GPR158: variants seen among roughly 807,000 people sequenced by gnomAD.
GPR158 encodes the protein metabotropic glycine receptor.
In GPR158, 30 loss-of-function variants were observed where a neutral mutation model predicts 78.2. The observed-to-expected ratio is 0.38, with a 90% CI of 0.29 to 0.52. The LOEUF (loss-of-function observed/expected upper bound fraction) is 0.52, where lower values mean the gene tolerates loss of function less well. Among genes scored for constraint, GPR158 ranks in the 20% least tolerant of loss-of-function variants. The pLI is 0.83. For synonymous variants in GPR158, 581 were observed against 591.1 expected (o/e 0.98, Z 0.25); for missense variants, 1,463 against 1,523.5 (o/e 0.96, Z 0.66).
At chr10:25,531,627 T>C (rs921589348) in intron 5 of GPR158, among the ~76,000 whole-genome samples, 1 of 61,762 alleles carries the variant, frequency 1.6e-5, no homozygotes, top group African/African-American at 3.7e-5. Context: ...TAGGATTTGG[T>C]ATTATTTATG....
intron 2 of GPR158, among the ~76,000 whole-genome samples, chr10:25,269,729 T>C (rs1854091329): frequency 1.3e-5 from 2 of 152,300 alleles, no homozygotes; most frequent in East Asian, 1.9e-4. Flanking sequence ...GTTTTCCCCA[T>C]TTCATGAATG....
chr10:25,486,241 T>C (rs1835733486), intron 5 of GPR158, among the ~76,000 whole-genome samples: 1 of 152,180 alleles, frequency 6.6e-6, no homozygotes, highest in African/African-American at 2.4e-5. Context: ...CTTTCAACTT[T>C]GACCTTCTTC....
intron 2 of GPR158, among the ~76,000 whole-genome samples, chr10:25,248,841 A>T (rs1020877102): frequency 6.6e-6 from 1 of 151,488 alleles, no homozygotes; most frequent in Non-Finnish European, 1.5e-5. Context: ...GTTTTTTCCA[A>T]TTCTGTGAAG....
At chr10:25,588,916 C>A in intron 7 of GPR158, 91 bp from the exon 8 acceptor site, 2 of 817,970 alleles carry the variant, frequency 2.4e-6, no homozygotes, top group Non-Finnish European at 1.8e-6. Flanking sequence ...TTATAAAAAA[C>A]TTATGTTGAA....
chr10:25,216,617 C>T (rs1311382154), intron 1 of GPR158, among the ~76,000 whole-genome samples: 3 of 152,026 alleles, frequency 2.0e-5, no homozygotes, highest in Non-Finnish European at 4.4e-5. Flanking sequence ...GTGGGGAAAA[C>T]ATATCATTGA....
intron 5 of GPR158, among the ~76,000 whole-genome samples, chr10:25,484,383 G>A (rs545135792): frequency 1.3e-5 from 2 of 152,284 alleles, no homozygotes; most frequent in African/African-American, 4.8e-5. Flanking sequence ...CTCAAAAATT[G>A]TAACATTAAA....
chr10:25,431,346 AAGTC>A (rs1451907598), intron 4 of GPR158, among the ~76,000 whole-genome samples: 1 of 149,064 alleles, frequency 6.7e-6, no homozygotes, highest in Non-Finnish European at 1.5e-5. Context: ...AGTCATTAAA[AAGTC>A]AGGAAACAGC....
In GPR158 at chr10:25,241,367, CTTTTCTCTCTTCTCT is replaced by C. The variant is rs1853622607; in HGVS notation, c.1008+20212_1008+20226del. ...TCTTTTCTCTTTTCTTTTCTCTTTT[CTTTTCTCTCTTCTCT>C]TCTCTTCTCTTCTCTTCTCTTCTCT... On this transcript the variant is annotated intron_variant, in intron 2 of 10. Coordinates refer to ENST00000376351, the MANE Select transcript of GPR158 (RefSeq NM_020752.3). 1.4e-4 allele frequency among the ~76,000 whole-genome samples: 14 copies of C among 101,482 alleles called. 2 individuals are homozygous for C. In the South Asian group the frequency reaches 4.3e-3, roughly 31 times the overall value. 66.6% of individuals were successfully genotyped at this position (101,482 alleles called of 152,430 possible).
chr10:25,554,113 A>G (rs927580794), intron 6 of GPR158, among the ~76,000 whole-genome samples: 5 of 152,176 alleles, frequency 3.3e-5, no homozygotes, highest in Non-Finnish European at 7.4e-5. Flanking sequence ...GGGAAAGCTA[A>G]AGAACAAGAC....
chr10:25,433,653 G>A (rs1190751341), intron 4 of GPR158, among the ~76,000 whole-genome samples: 1 of 142,040 alleles, frequency 7.0e-6, no homozygotes, highest in African/African-American at 2.6e-5. Context: ...GAGAAAATTA[G>A]TTTATCTGAA....
chr10:25,419,737 C>T (rs1224928004), intron 4 of GPR158, among the ~76,000 whole-genome samples: 1 of 151,986 alleles, frequency 6.6e-6, no homozygotes, highest in African/African-American at 2.4e-5. Context: ...GTGGGTTTGA[C>T]TTCCATTTTC....
At chr10:25,376,433 C>T (rs1247111568) in intron 2 of GPR158, among the ~76,000 whole-genome samples, 3 of 151,424 alleles carry the variant, frequency 2.0e-5, no homozygotes, top group Admixed American at 1.3e-4. Context: ...AATTATCTTT[C>T]CTCTTTGATT....
rs1477757394 is a variant in GPR158, at chr10:25,516,920, A to G, written c.1405-34056A>G. ...CAATTCTGTGAAGAAAGTCATTGGTAGCTTGATGGGGATGGCATTGAATCT... is the reference window on the plus strand; with the variant it reads ...CAATTCTGTGAAGAAAGTCATTGGTGGCTTGATGGGGATGGCATTGAATCT... On this transcript the variant is annotated intron_variant, in intron 5 of 10. Coordinates refer to ENST00000376351, the MANE Select transcript of GPR158 (RefSeq NM_020752.3). 6.3e-4 allele frequency among the ~76,000 whole-genome samples: 92 copies of G among 145,026 alleles called. 1 individual carries two copies. Among genetic ancestry groups the G allele is most frequent in the Non-Finnish European group, 1.0e-3 (67 of 66,518 alleles).
At chr10:25,588,477 G>A (rs1418776284) in intron 7 of GPR158, among the ~76,000 whole-genome samples, 1 of 152,166 alleles carries the variant, frequency 6.6e-6, no homozygotes, top group East Asian at 1.9e-4. Context: ...ACAAAACAAG[G>A]TTTTATTTAT....
At chr10:25,387,968 T>A (rs1011728761) in intron 2 of GPR158, among the ~76,000 whole-genome samples, 3 of 100,872 alleles carry the variant, frequency 3.0e-5, no homozygotes, top group Non-Finnish European at 7.3e-5. Context: ...TAGTTATATA[T>A]CTGTTCTTTT....
At chr10:25,195,984 T>C (rs1432274243) in intron 1 of GPR158, among the ~76,000 whole-genome samples, 1 of 152,208 alleles carries the variant, frequency 6.6e-6, no homozygotes, top group Admixed American at 6.5e-5. Context: ...TGGAAACTTT[T>C]AATATCTTTT....
intron 7 of GPR158, among the ~76,000 whole-genome samples, chr10:25,575,070 A>AAC (rs2130734448): frequency 6.6e-6 from 1 of 151,802 alleles, no homozygotes; most frequent in Non-Finnish European, 1.5e-5. Flanking sequence ...CCATCTCAAA[A>AAC]AAAAAAAAAA....
chr10:25,598,261 T>A lies in GPR158; in HGVS notation c.2635T>A (p.Ser879Thr), dbSNP rs752016429. 2 of 1,613,892 alleles carry A rather than the reference T, an allele frequency of 1.2e-6. No individual in the cohort carries two copies. Among genetic ancestry groups the A allele is most frequent in the East Asian group, 4.5e-5 (2 of 44,862 alleles). The part of the protein sequence containing the change: ...STESVPLVCK[S>T]ASAHNLSSEK... ...GGAGTCGGTGCCGTTGGTGTGCAAG[T>A]CAGCAAGCGCTCACAACCTCAGCTC... The change falls in exon 11 of 11, where the codon TCA becomes ACA. Residue 879 changes from serine (S) to threonine (T), a missense_variant. Transcript: ENST00000376351.
intron 5 of GPR158, among the ~76,000 whole-genome samples, chr10:25,487,893 AAACT>A (rs1233680580): frequency 6.6e-6 from 1 of 152,178 alleles, no homozygotes; most frequent in East Asian, 1.9e-4. Flanking sequence ...TAAATTAAAT[AAACT>A]AACCAATTAA....
Sources: allele counts gnomAD v4.1 joint callset (sites outside exome capture counted in the v4.1 genomes callset), GRCh38; gene constraint gnomAD v4.1.1; transcripts MANE v1.5; gene names NCBI Gene and HGNC (gene_info 2026-07-23, HGNC 2026-07-21).